The following ERMP1 variants were observed in gnomAD, a reference collection of about 807,000 sequenced individuals.
The protein encoded by ERMP1 is endoplasmic reticulum metallopeptidase 1, also known as Felix-ina.
ERMP1 carries 86 observed loss-of-function variants against 92.0 expected under a neutral mutation model. The observed-to-expected ratio is 0.93, with a 90% confidence interval of 0.79 to 1.12. The LOEUF is 1.12. Among genes scored for constraint, ERMP1 ranks in the 50% most tolerant of loss-of-function variants. The pLI is 0.00. For synonymous variants in ERMP1, 530 were observed against 412.8 expected (o/e 1.28, Z -3.44); for missense variants, 1,342 against 1,116.3 (o/e 1.20, Z -2.88).
At chr9:5,842,669 A>G (rs905950312) in intron 6 of ERMP1, among the ~76,000 whole-genome samples, 1 of 152,216 alleles carries the variant, frequency 6.6e-6, no homozygotes, top group Non-Finnish European at 1.5e-5. Context: ...TTCCAGAGAC[A>G]AATGCCTCCC....
At chr9:5,840,487 T>G (rs774659651) in intron 6 of ERMP1, among the ~76,000 whole-genome samples, 6 of 152,246 alleles carry the variant, frequency 3.9e-5, no homozygotes, top group Non-Finnish European at 8.8e-5. Flanking sequence ...ATGTCAGGTC[T>G]GCACTGCCAT....
chr9:5,824,829 G>GT (rs1420069190), intron 3 of ERMP1, among the ~76,000 whole-genome samples: 1 of 152,218 alleles, frequency 6.6e-6, no homozygotes, highest in Non-Finnish European at 1.5e-5. Flanking sequence ...CCTGAGGAGA[G>GT]TAATTATGCC....
intron 7 of ERMP1, among the ~76,000 whole-genome samples, chr9:5,810,514 A>C (rs1411441206): frequency 6.6e-6 from 1 of 152,242 alleles, no homozygotes; most frequent in Non-Finnish European, 1.5e-5. Context: ...GGAAGAGGAT[A>C]GTCTTAATCT....
chr9:5,793,856 C>A (rs1362776024), intron 13 of ERMP1, among the ~76,000 whole-genome samples: 2 of 152,008 alleles, frequency 1.3e-5, no homozygotes, highest in African/African-American at 4.8e-5. Flanking sequence ...GACTTCAACA[C>A]CCCTCCATCA....
intron 5 of ERMP1, among the ~76,000 whole-genome samples, chr9:5,865,589 T>C (rs1244349581): frequency 6.6e-6 from 1 of 151,382 alleles, no homozygotes; most frequent in Admixed American, 6.6e-5. Context: ...TCCCAACACT[T>C]TCGCAGGCCG....
At chr9:5,855,538 G>A (rs548733803) in intron 6 of ERMP1, among the ~76,000 whole-genome samples, 15 of 152,376 alleles carry the variant, frequency 9.8e-5, no homozygotes, top group African/African-American at 3.6e-4. Flanking sequence ...TAGACTGTAT[G>A]CTGTTTGAAA....
chr9:5,798,040 AACTG>A, intron 12 of ERMP1, 108 bp from the exon 13 acceptor site: 2 of 741,726 alleles, frequency 2.7e-6, no homozygotes, highest in Admixed American at 2.5e-5. Context: ...TATGAAAATA[AACTG>A]ACAGACATGA....
intron 8 of ERMP1, 22 bp from the exon 9 acceptor site, chr9:5,805,807 A>C: frequency 6.4e-7 from 1 of 1,567,706 alleles, no homozygotes; most frequent in Non-Finnish European, 8.6e-7. Flanking sequence ...AAAAATATAC[A>C]AGTAGTCTCA....
chr9:5,829,047 C>G (rs1247306327), intron 2 of ERMP1, among the ~76,000 whole-genome samples: 1 of 151,778 alleles, frequency 6.6e-6, no homozygotes, highest in Non-Finnish European at 1.5e-5. Flanking sequence ...AGTTCAAGAC[C>G]AGCCTGGCCA....
At position 5,794,228 on chromosome 9, in the gene ERMP1, A is replaced by C. The variant is rs542077244; in HGVS notation, c.2386+3589T>G. 4.9e-4 allele frequency among the ~76,000 whole-genome samples: 74 copies of C among 152,234 alleles called. No individual in the cohort carries two copies. In the Middle Eastern group the frequency reaches 0.01, roughly 21 times the overall value. ...AAGAAGTCTCAAGAAAAAATTTTTAAATACTTGAAACTAAATTAAAATGAA... is the reference window on the plus strand; with the variant it reads ...AAGAAGTCTCAAGAAAAAATTTTTACATACTTGAAACTAAATTAAAATGAA... On this transcript the variant is annotated intron_variant, in intron 13 of 14. Transcript: ENST00000339450.
intron 5 of ERMP1, among the ~76,000 whole-genome samples, chr9:5,865,163 T>C (rs1437235490): frequency 6.6e-6 from 1 of 152,200 alleles, no homozygotes; most frequent in Non-Finnish European, 1.5e-5. Context: ...ATGAAAAATT[T>C]ATACATATAC....
intron 2 of ERMP1, among the ~76,000 whole-genome samples, chr9:5,825,457 C>T (rs1829696649): frequency 6.6e-6 from 1 of 152,190 alleles, no homozygotes; most frequent in Non-Finnish European, 1.5e-5. Context: ...GCCTGACCCA[C>T]CAGAGTCACT....
chr9:5,805,095 C>T lies in ERMP1; in HGVS notation c.1846G>A (p.Glu616Lys). Residue 616 changes from glutamate to lysine, a missense_variant, in exon 10 of 15, where the codon GAA (glutamate) becomes AAA (lysine). Glu to Lys is a moderately conservative substitution (Grantham distance 56, BLOSUM62 1). Coordinates refer to ENST00000339450, the MANE Select transcript of ERMP1 (RefSeq NM_024896.3). ...GCCAGCACAACATCAGGTGGGATTTCAGAACCACTTCTCCCGAGGATAGGG... is the reference window on the plus strand; with the variant it reads ...GCCAGCACAACATCAGGTGGGATTTTAGAACCACTTCTCCCGAGGATAGGG... ...FTPILGRSGS[E>K]IPPDVVLASI... is the part of the protein sequence containing the mutation. 1 of 1,613,724 alleles carries T rather than the reference C, an allele frequency of 6.2e-7. No homozygotes were observed. The highest frequency in any genetic ancestry group is 2.2e-5 in the East Asian group (1 of 44,876).
intron 11 of ERMP1, 24 bp from the exon 12 acceptor site, chr9:5,799,032 A>T (rs1828563802): frequency 6.3e-7 from 1 of 1,584,122 alleles, no homozygotes; most frequent in South Asian, 1.1e-5. Flanking sequence ...ACTAGTGAAA[A>T]AACTGTTTCA....
chr9:5,784,809 G>C lies in ERMP1; in HGVS notation c.*2335C>G, dbSNP rs555570001. On this transcript the variant is annotated 3_prime_UTR_variant, in exon 15 of 15. Transcript: ENST00000339450. ...TCATTCTTAGGTCAAACACAAGAAC[G>C]AACTATTTTGAAATCAATTCCTCAC... The C allele has an allele frequency of 1.6e-5, 2 of 123,888 alleles. No individual in the cohort carries two copies. Among genetic ancestry groups the C allele is most frequent in the Non-Finnish European group, 3.3e-5 (2 of 61,444 alleles). 7.7% of individuals were successfully genotyped at this position (123,888 alleles called of 1,614,324 possible).
intron 6 of ERMP1, among the ~76,000 whole-genome samples, chr9:5,858,907 C>G (rs919352778): frequency 6.6e-6 from 1 of 152,182 alleles, no homozygotes; most frequent in African/African-American, 2.4e-5. Context: ...AGCAGTGGTT[C>G]CTTCCCCTCA....
At chr9:5,841,470 C>T (rs1322747445) in intron 6 of ERMP1, among the ~76,000 whole-genome samples, 1 of 152,156 alleles carries the variant, frequency 6.6e-6, no homozygotes, top group Non-Finnish European at 1.5e-5. Context: ...GAATCAACTG[C>T]TTAAAAGGTA....
rs552874635 is a variant in ERMP1, at chr9:5,838,540, AAAG to A, written n.3200-5231_3200-5229del. ...GGCAAAACCCTGTATCAAAAAAAAA[AAAG>A]AAGAAGAAGAAGAATTCATGGTTTT... On this transcript the variant is annotated intron_variant and non_coding_transcript_variant, in intron 6 of 6. Coordinates refer to the ERMP1 transcript ENST00000690753. Among the ~76,000 whole-genome samples, 616 of 152,068 alleles carry A rather than the reference AAAG, an allele frequency of 4.1e-3. 2 individuals carry two copies. Among genetic ancestry groups the A allele is most frequent in the Non-Finnish European group, 6.3e-3 (430 of 67,998 alleles).
At chr9:5,858,569 A>C (rs926684523) in intron 6 of ERMP1, among the ~76,000 whole-genome samples, 1 of 152,176 alleles carries the variant, frequency 6.6e-6, no homozygotes, top group Admixed American at 6.5e-5. Flanking sequence ...AGCTGCCCTT[A>C]AGTGCCCAGG....
Sources: gnomAD v4.1 joint callset for allele counts (sites outside exome capture counted in the v4.1 genomes callset) on GRCh38, gnomAD v4.1.1 for gene constraint, MANE v1.5 for transcripts, NCBI Gene and HGNC (gene_info 2026-07-23, HGNC 2026-07-21) for gene names.